The following COL15A1 variants were observed in gnomAD, a reference collection of about 807,000 sequenced individuals.
COL15A1 encodes the protein collagen type XV alpha 1 chain, also known as collagen alpha-1(XV) chain.
In COL15A1, 111 loss-of-function variants were observed where a neutral mutation model predicts 165.9. The ratio of observed to expected loss-of-function variants is 0.67; its 90% CI spans 0.57 to 0.78. The LOEUF is 0.78. COL15A1 is among the 30% of genes least tolerant of loss of function. The probability of loss-of-function intolerance (pLI) is 0.00; values close to 1 mark genes in which losing one functional copy is unlikely to be tolerated. For missense variants in COL15A1, 1,745 were observed against 1,789.7 expected, an observed-to-expected ratio of 0.98 and a Z score of 0.45; for synonymous variants, 659 against 674.8, an observed-to-expected ratio of 0.98 and a Z score of 0.36.
At chr9:98,969,850 G>A (rs1346231260) in intron 2 of COL15A1, among the ~76,000 whole-genome samples, 1 of 152,166 alleles carries the variant, frequency 6.6e-6, no homozygotes, top group Non-Finnish European at 1.5e-5. Flanking sequence ...GTGCCCTTGG[G>A]CAAGTTATTT....
chr9:99,026,295 G>A (rs1453096974), intron 16 of COL15A1, among the ~76,000 whole-genome samples: 2 of 152,142 alleles, frequency 1.3e-5, no homozygotes, highest in Admixed American at 6.5e-5. Context: ...AGATGGCCCA[G>A]TCTGACCTCC....
intron 16 of COL15A1, among the ~76,000 whole-genome samples, chr9:99,030,029 G>A (rs1206639693): frequency 6.6e-6 from 1 of 151,992 alleles, no homozygotes; most frequent in East Asian, 1.9e-4. Context: ...ACATCCACAA[G>A]GCAGTAAGAT....
rs774381038 is a variant in COL15A1 at position 99,069,818 on chromosome 9, T to C, written c.4099T>C (p.Tyr1367His). The C allele has an allele frequency of 6.8e-6, 11 of 1,614,200 alleles. No individual in the cohort carries two copies. The highest frequency in any genetic ancestry group is 9.3e-6 in the Non-Finnish European group (11 of 1,180,026). ...STGKILDQKA[Y>H]SCANRLIVLC... The stretch of plus-strand genomic sequence containing the variant: ...GGGGAAGATTCTGGACCAGAAAGCA[T>C]ACAGCTGTGCTAATCGGCTAATTGT... Residue 1367 changes from tyrosine to histidine, a missense_variant, in exon 42 of 42, where the codon TAC becomes CAC. Coordinates refer to ENST00000375001, the MANE Select transcript of COL15A1 (RefSeq NM_001855.5).
At position 98,985,743 on chromosome 9, in the gene COL15A1, C is replaced by T; in HGVS notation, c.279C>T (p.Ile93=). 6.2e-7 allele frequency: 1 copy of T among 1,614,204 alleles called. No individual in the cohort carries two copies. The highest frequency in any genetic ancestry group is 8.5e-7 in the Non-Finnish European group (1 of 1,180,042). ...CCACCTTCTTCAGGGACTTCGCCAT[C>T]AGCGTCGTGGTGAAGCCCAGCAGCA... The part of the protein sequence containing the change: ...IPSTFFRDFA[I]SVVVKPSSTR... Residue 93 remains isoleucine (I), a synonymous_variant, in exon 3 of 42, where the codon ATC becomes ATT. Coordinates refer to ENST00000375001, the MANE Select transcript of COL15A1 (RefSeq NM_001855.5).
At chr9:98,998,496 C>G (rs1268960732) in intron 6 of COL15A1, among the ~76,000 whole-genome samples, 3 of 152,182 alleles carry the variant, frequency 2.0e-5, no homozygotes, top group Admixed American at 1.3e-4. Context: ...GAGGCCCTGC[C>G]TAGCCCCCTA....
chr9:99,047,830 CG>C lies in COL15A1; in HGVS notation c.2727del (p.Arg910AspfsTer7). 6.2e-7 allele frequency: 1 copy of C among 1,613,956 alleles called. No individual in the cohort carries two copies. Among genetic ancestry groups the C allele is most frequent in the Non-Finnish European group, 8.5e-7 (1 of 1,179,958 alleles). On this transcript the variant is annotated frameshift_variant, in exon 27 of 42. Transcript: ENST00000375001. LOFTEE classifies it high-confidence loss of function. ...GACATAAAGGAGAATTTGGCCTTCC[CG>C]GGCGACCTGTAGGTATCAGTGTTCA... ...PGHKGEFGLP[G>X]RPGRPGLNGL... is the part of the protein sequence containing the mutation.
intron 16 of COL15A1, among the ~76,000 whole-genome samples, chr9:99,031,989 C>A (rs1413695930): frequency 6.6e-6 from 1 of 151,836 alleles, no homozygotes; most frequent in Non-Finnish European, 1.5e-5. Context: ...GTCATTTGCC[C>A]TTGATGATTT....
At chr9:98,996,581 G>T (rs931618535) in intron 5 of COL15A1, among the ~76,000 whole-genome samples, 2 of 152,164 alleles carry the variant, frequency 1.3e-5, no homozygotes, top group African/African-American at 4.8e-5. Flanking sequence ...TCATTCATTT[G>T]TTCACTAATT....
intron 9 of COL15A1, among the ~76,000 whole-genome samples, chr9:99,005,275 TG>T (rs1294958729): frequency 6.6e-6 from 1 of 151,764 alleles, no homozygotes; most frequent in Non-Finnish European, 1.5e-5. Flanking sequence ...GTTGCAGAGG[TG>T]GGGTTTGTCC....
chr9:99,001,015 G>A, intron 7 of COL15A1, 64 bp downstream of exon 7: 1 of 787,688 alleles, frequency 1.3e-6, no homozygotes. Flanking sequence ...TTTCAAACTT[G>A]GTGATGATTT....
At chr9:98,957,740 G>A (rs910102130) in intron 2 of COL15A1, among the ~76,000 whole-genome samples, 2 of 152,214 alleles carry the variant, frequency 1.3e-5, no homozygotes, top group African/African-American at 4.8e-5. Context: ...GTGCAGTGGT[G>A]CAATCACAGC....
intron 23 of COL15A1, chr9:99,041,453 T>C (rs1839403407): frequency 6.6e-6 from 1 of 150,940 alleles, no homozygotes; most frequent in South Asian, 2.1e-4. Flanking sequence ...AGAGGTTGCC[T>C]CTGGCTGCAT....
intron 2 of COL15A1, among the ~76,000 whole-genome samples, chr9:98,953,700 C>G (rs1445597567): frequency 1.3e-5 from 2 of 152,186 alleles, no homozygotes; most frequent in African/African-American, 4.8e-5. Flanking sequence ...GCCAGGGAAC[C>G]CCTTTCTGGG....
rs766594204 is a variant in COL15A1 at position 99,034,558 on chromosome 9, G to A, written c.2053G>A (p.Gly685Arg). ...PGMKGEKGARGPNGSVGEKGD... is the reference protein window; with the variant it reads ...PGMKGEKGARRPNGSVGEKGD... Reference sequence around the variant, plus strand: ...TTTTTGTTTTTTTCAGGGAGCAAGAGGGCCTAATGGCTCAGTTGGTGAAAA... The same window carrying A: ...TTTTTGTTTTTTTCAGGGAGCAAGAAGGCCTAATGGCTCAGTTGGTGAAAA... Residue 685 changes from glycine to arginine, a missense_variant, in exon 17 of 42, where the codon GGG becomes AGG. Transcript: ENST00000375001. 2 of 1,507,396 alleles carry A rather than the reference G, an allele frequency of 1.3e-6. No homozygotes were observed. The highest frequency in any genetic ancestry group is 1.8e-6 in the Non-Finnish European group (2 of 1,129,880). The allele number at this position is 1,507,396 out of a possible 1,614,324, so 93.4% of individuals were successfully genotyped here. A position where few individuals can be genotyped will look rare whatever the true frequency, so the allele number is the denominator to read the frequency against.
Position 99,063,103 on chromosome 9 carries a change from G to A in COL15A1, c.3645G>A (p.Lys1215=). 1 of 1,583,432 alleles carries A rather than the reference G, an allele frequency of 6.3e-7. No homozygotes were observed. The highest frequency in any genetic ancestry group is 1.9e-5 in the Admixed American group (1 of 51,756). The change falls in exon 39 of 42, where the codon AAG becomes AAA. Residue 1215 remains lysine, a synonymous_variant. Transcript: ENST00000375001. The part of the protein sequence containing the change: ...PNPISSANYE[K]PALHLAALNM... ...CTATTTCAAGTGCCAATTATGAGAA[G>A]CCTGCTGTAAGTACAATTTATACAT...
At chr9:99,048,664 G>A (rs143706392) in intron 28 of COL15A1, among the ~76,000 whole-genome samples, 1,909 of 151,264 alleles carry the variant, frequency 0.013, 89 homozygotes, top group East Asian at 0.13. Flanking sequence ...TTAGCATTAG[G>A]TATATCTTCT....
intron 22 of COL15A1, 148 bp downstream of exon 22, chr9:99,038,881 G>T: frequency 1.7e-6 from 1 of 587,018 alleles, no homozygotes. Context: ...TGCATTTTTT[G>T]AAAAGTTGCT....
chr9:98,987,975 G>A (rs1254001862), intron 4 of COL15A1, among the ~76,000 whole-genome samples: 1 of 151,958 alleles, frequency 6.6e-6, no homozygotes, highest in Non-Finnish European at 1.5e-5. Context: ...CAAACTCAAC[G>A]TTGTCAGGTG....
intron 2 of COL15A1, among the ~76,000 whole-genome samples, chr9:98,979,867 G>T (rs1838206478): frequency 2.6e-5 from 4 of 152,088 alleles, no homozygotes; most frequent in Admixed American, 2.0e-4. Context: ...CTAAAATGAG[G>T]TGATTGGAGG....
Sources: allele counts gnomAD v4.1 joint callset (sites outside exome capture counted in the v4.1 genomes callset), GRCh38; gene constraint gnomAD v4.1.1; transcripts MANE v1.5; gene names NCBI Gene and HGNC (gene_info 2026-07-23, HGNC 2026-07-21).